HMGB1: variants seen among roughly 807,000 people sequenced by gnomAD.
HMGB1 encodes high mobility group box 1.
For missense variants in HMGB1, 79 were observed against 253.5 expected (o/e 0.31, Z 4.67); for synonymous variants, 81 against 84.0 (o/e 0.96, Z 0.19).
chr13:30,524,708 ATAAT>A (rs370662689), intron 1 of HMGB1, among the ~76,000 whole-genome samples: 101,970 of 143,646 alleles, frequency 0.71, 34,840 homozygotes, highest in Non-Finnish European at 0.77. Flanking sequence ...ATAAATAATA[ATAAT>A]AATAATAATA....
intron 1 of HMGB1, among the ~76,000 whole-genome samples, chr13:30,487,017 A>T (rs891546986): frequency 1.3e-5 from 2 of 152,070 alleles, no homozygotes; most frequent in Admixed American, 1.3e-4. Context: ...TTTTATTTTT[A>T]TGAAAGAATT....
Position 30,462,596 on chromosome 13 carries a change from G to A in HMGB1, c.413C>T (p.Ala138Val). The change falls in exon 4 of 5, where the codon GCA (alanine) becomes GTA (valine). Residue 138 changes from alanine (A) to valine (V), a missense_variant. Physicochemically the swap from Ala to Val is moderately conservative, Grantham distance 64 (BLOSUM62 0). Coordinates refer to ENST00000341423, the MANE Select transcript of HMGB1 (RefSeq NM_002128.7). ...CTTTTCATAAGGCTGCTTGTCATCT[G>A]CAGCAGTGTTATTCCACATCTCTCC... is the stretch of plus-strand genomic sequence containing the variant. ...KLGEMWNNTA[A>V]DDKQPYEKKA... 6.2e-7 allele frequency: 1 copy of A among 1,609,796 alleles called. No homozygotes were observed. The highest frequency in any genetic ancestry group is 8.5e-7 in the Non-Finnish European group (1 of 1,176,164).
At chr13:30,614,072 C>T (rs1950538223) in intron 1 of HMGB1, among the ~76,000 whole-genome samples, 1 of 151,980 alleles carries the variant, frequency 6.6e-6, no homozygotes, top group African/African-American at 2.4e-5. Flanking sequence ...GTACCATTTA[C>T]ATAGAAAAAG....
chr13:30,465,185 C>T (rs1886688951), intron 1 of HMGB1: 1 of 935,516 alleles, frequency 1.1e-6, no homozygotes, highest in Non-Finnish European at 1.3e-6. Context: ...CCGCTCCCCC[C>T]GCCGCCCGGC....
intron 1 of HMGB1, among the ~76,000 whole-genome samples, chr13:30,564,738 T>C (rs878878817): frequency 6.6e-6 from 1 of 152,228 alleles, no homozygotes; most frequent in Admixed American, 6.5e-5. Flanking sequence ...TGATTGCAAT[T>C]TTTCAAATTA....
intron 1 of HMGB1, among the ~76,000 whole-genome samples, chr13:30,503,529 T>A (rs2137454947): frequency 6.6e-6 from 1 of 152,122 alleles, no homozygotes; most frequent in South Asian, 2.1e-4. Context: ...TGGATAAGGT[T>A]CCTCTTCTGT....
chr13:30,522,826 C>A (rs1364595832), intron 1 of HMGB1, among the ~76,000 whole-genome samples: 1 of 152,004 alleles, frequency 6.6e-6, no homozygotes, highest in Non-Finnish European at 1.5e-5. Flanking sequence ...AGCATTCTTC[C>A]CACCTCTGCC....
intron 1 of HMGB1, among the ~76,000 whole-genome samples, chr13:30,538,650 T>TTTCTTTC (rs1868656411): frequency 2.5e-5 from 2 of 79,358 alleles, no homozygotes; most frequent in African/African-American, 1.1e-4. Flanking sequence ...TTCCTTTCTT[T>TTTCTTTC]CTTTCTTTCT....
At chr13:30,490,026 CAAA>C (rs780306690) in intron 1 of HMGB1, among the ~76,000 whole-genome samples, 8 of 65,628 alleles carry the variant, frequency 1.2e-4, no homozygotes, top group African/African-American at 3.6e-4. Context: ...GCGCTGGTCT[CAAA>C]AAAAAAAAAA....
chr13:30,561,556 C>T (rs925205466), intron 1 of HMGB1, among the ~76,000 whole-genome samples: 3 of 151,672 alleles, frequency 2.0e-5, no homozygotes, highest in Admixed American at 6.6e-5. Flanking sequence ...GACCCTGTTG[C>T]GAGAAAAAAA....
intron 1 of HMGB1, among the ~76,000 whole-genome samples, chr13:30,524,337 TAAAAAAAA>T (rs756389867): frequency 8.4e-5 from 4 of 47,422 alleles, no homozygotes; most frequent in East Asian, 4.8e-4. Context: ...TAAAGTATAT[TAAAAAAAA>T]AAAAAAAAAA....
At chr13:30,577,368 T>C (rs1163297732) in intron 1 of HMGB1, among the ~76,000 whole-genome samples, 1 of 146,744 alleles carries the variant, frequency 6.8e-6, no homozygotes, top group Non-Finnish European at 1.5e-5. Flanking sequence ...AAAGGCCATA[T>C]ATAGCCCAGA....
At chr13:30,567,516 AT>A (rs1870237501) in intron 1 of HMGB1, among the ~76,000 whole-genome samples, 1 of 151,724 alleles carries the variant, frequency 6.6e-6, no homozygotes. Context: ...CACCCAGCTA[AT>A]TTTTTTGTAC....
intron 1 of HMGB1, among the ~76,000 whole-genome samples, chr13:30,604,029 C>A (rs943341843): frequency 2.0e-5 from 3 of 151,900 alleles, no homozygotes; most frequent in Admixed American, 6.6e-5. Flanking sequence ...ATTCAACAAA[C>A]AGAACATGTA....
chr13:30,579,394 T>G (rs546935906), intron 1 of HMGB1, among the ~76,000 whole-genome samples: 11 of 152,208 alleles, frequency 7.2e-5, no homozygotes, highest in Non-Finnish European at 1.3e-4. Flanking sequence ...CATGTTCCAT[T>G]GTAGAACGTG....
chr13:30,611,925 G>A (rs898284619), intron 1 of HMGB1, among the ~76,000 whole-genome samples: 3 of 150,586 alleles, frequency 2.0e-5, no homozygotes, highest in African/African-American at 4.9e-5. Flanking sequence ...TTATGCATAC[G>A]TCTGAACTAA....
At chr13:30,474,369 A>T (rs1887016892) in intron 1 of HMGB1, among the ~76,000 whole-genome samples, 2 of 152,120 alleles carry the variant, frequency 1.3e-5, no homozygotes, top group South Asian at 2.1e-4. Flanking sequence ...ATTAGGTAGA[A>T]TTTTCATCTA....
chr13:30,463,818 C>T, intron 1 of HMGB1, 124 bp from the exon 2 acceptor site: 1 of 625,878 alleles, frequency 1.6e-6, no homozygotes, highest in South Asian at 2.3e-5. Flanking sequence ...CATCAACCTC[C>T]GTAAAATCAG....
intron 1 of HMGB1, among the ~76,000 whole-genome samples, chr13:30,604,112 T>C (rs1341870099): frequency 1.3e-5 from 2 of 151,964 alleles, no homozygotes; most frequent in South Asian, 2.1e-4. Context: ...AACGATGCCC[T>C]TTTCAATCTG....
Sources: allele counts gnomAD v4.1 joint callset (sites outside exome capture counted in the v4.1 genomes callset), GRCh38; gene constraint gnomAD v4.1.1; transcripts MANE v1.5; gene names NCBI Gene and HGNC (gene_info 2026-07-23, HGNC 2026-07-21).